OR14A2: variants seen among roughly 807,000 people sequenced by gnomAD.
OR14A2 encodes the protein olfactory receptor 14A2.
For missense variants in OR14A2, 237 were observed against 152.9 expected (o/e 1.55, Z -2.90); for synonymous variants, 114 against 58.6 (o/e 1.95, Z -4.32).
chr1:247,730,818 CCTTT>C, the OR14A2 span, among the ~76,000 whole-genome samples: 1 of 152,046 alleles, frequency 6.6e-6, no homozygotes, highest in Non-Finnish European at 1.5e-5. Context: ...TGTGAATTCA[CCTTT>C]CTTCTGCCTT....
chr1:247,747,418 A>G, the OR14A2 span, among the ~76,000 whole-genome samples: 2 of 149,500 alleles, frequency 1.3e-5, no homozygotes, highest in African/African-American at 5.0e-5. Flanking sequence ...CTGGAGTGCA[A>G]TGGCGTGACC....
the OR14A2 span, chr1:247,739,024 G>A: frequency 2.6e-6 from 2 of 780,500 alleles, no homozygotes; most frequent in African/African-American, 3.4e-5. Flanking sequence ...ATGAGCAGAG[G>A]GCTCTGTGTC....
At chr1:247,725,664 A>C (rs1660330595), upstream of OR14A2, among the ~76,000 whole-genome samples, 1 of 126,970 alleles carries the variant, frequency 7.9e-6, no homozygotes, top group Admixed American at 7.9e-5. Context: ...TATATCTCCC[A>C]ATGCTATCCC....
At chr1:247,726,592 C>G (rs1367561943), upstream of OR14A2, among the ~76,000 whole-genome samples, 1 of 132,026 alleles carries the variant, frequency 7.6e-6, no homozygotes, top group African/African-American at 3.1e-5. Context: ...GTGTTTTAGA[C>G]ATGAAGTCCT....
the OR14A2 span, among the ~76,000 whole-genome samples, chr1:247,734,742 A>G: frequency 1.3e-5 from 2 of 152,154 alleles, no homozygotes; most frequent in African/African-American, 4.8e-5. Flanking sequence ...TATGTCTCTT[A>G]CGAAATGTCA....
the OR14A2 span, among the ~76,000 whole-genome samples, chr1:247,730,965 A>G: frequency 1.3e-5 from 2 of 152,118 alleles, no homozygotes; most frequent in East Asian, 1.9e-4. Flanking sequence ...CTCAGAAATA[A>G]TGTTTTACCA....
At chr1:247,726,572 A>C (rs1292534657), upstream of OR14A2, among the ~76,000 whole-genome samples, 6 of 120,364 alleles carry the variant, frequency 5.0e-5, no homozygotes, top group South Asian at 1.5e-3. Context: ...TTTTGTTGCC[A>C]TTGCTTTTGG....
rs62619785 is a variant in OR14A2, at chr1:247,723,203, G to T, written c.841C>A (p.Pro281Thr). The T allele has an allele frequency of 3.1e-3, 2,209 of 717,728 alleles. 21 individuals are homozygous for T. The highest frequency in any genetic ancestry group is 0.027 in the African/African-American group (1,576 of 57,358). 44.5% of individuals were successfully genotyped at this position (717,728 alleles called of 1,614,324 possible). Reference sequence around the variant, plus strand: ...CTGTAGGTTACAGGGTTAAATACTGGAGGCATCACAGTGTAGATCACAGAA... The same window carrying T: ...CTGTAGGTTACAGGGTTAAATACTGTAGGCATCACAGTGTAGATCACAGAA... The change falls in exon 1 of 1, where the codon CCA becomes ACA. Residue 281 changes from proline to threonine, a missense_variant. Coordinates refer to ENST00000366485, the Ensembl canonical transcript of OR14A2.
At chr1:247,732,412 G>A in the OR14A2 span, among the ~76,000 whole-genome samples, 1 of 152,078 alleles carries the variant, frequency 6.6e-6, no homozygotes, top group Non-Finnish European at 1.5e-5. Context: ...AGAAACCTTT[G>A]GCCACAGTCC....
upstream of OR14A2, among the ~76,000 whole-genome samples, chr1:247,728,726 C>T (rs936036346): frequency 2.6e-4 from 39 of 152,034 alleles, no homozygotes; most frequent in African/African-American, 8.9e-4. Context: ...TAACATTTTA[C>T]CAACAGAAAT....
the OR14A2 span, among the ~76,000 whole-genome samples, chr1:247,737,301 C>A: frequency 9.5e-4 from 144 of 152,168 alleles, no homozygotes; most frequent in Middle Eastern, 3.4e-3. Context: ...GCTACATTCT[C>A]TTTCAGTTGA....
chr1:247,734,977 G>C, the OR14A2 span, among the ~76,000 whole-genome samples: 1 of 152,176 alleles, frequency 6.6e-6, no homozygotes, highest in Non-Finnish European at 1.5e-5. Flanking sequence ...AAAATAAACT[G>C]TACCTCATCC....
the OR14A2 span, chr1:247,747,202 C>T: frequency 6.6e-6 from 1 of 151,998 alleles, no homozygotes; most frequent in Non-Finnish European, 1.5e-5. Flanking sequence ...CATAGTAGTC[C>T]AAGGAAGGGA....
the OR14A2 span, chr1:247,739,261 A>G: frequency 2.6e-6 from 2 of 780,776 alleles, no homozygotes; most frequent in Admixed American, 1.7e-5. Flanking sequence ...GTAGTTTCCT[A>G]TGTGTACATT....
the OR14A2 span, among the ~76,000 whole-genome samples, chr1:247,733,647 T>C: frequency 1.4e-4 from 21 of 152,106 alleles, no homozygotes; most frequent in East Asian, 1.9e-4. Context: ...TTGAATAAGT[T>C]ATCTGCTAAC....
chr1:247,744,896 T>C, the OR14A2 span, among the ~76,000 whole-genome samples: 1 of 152,126 alleles, frequency 6.6e-6, no homozygotes, highest in Admixed American at 6.5e-5. The surrounding 1 kb of genome is among the most constrained non-coding windows in gnomAD (Gnocchi z 4.3). Context: ...GATTATGAAG[T>C]TATAAATTGG....
chr1:247,738,481 A>C, the OR14A2 span: 1 of 604,620 alleles, frequency 1.7e-6, no homozygotes, highest in Non-Finnish European at 2.9e-6. Context: ...ATTGCTTGAT[A>C]TTTTTAAACT....
the OR14A2 span, among the ~76,000 whole-genome samples, chr1:247,744,765 C>G: frequency 6.6e-6 from 1 of 152,108 alleles, no homozygotes; most frequent in African/African-American, 2.4e-5. This position sits in a 1 kb window ranked among gnomAD's most constrained non-coding sequence, Gnocchi z 4.3. Flanking sequence ...ATTGCATAGC[C>G]ATGGGCCAAG....
At chr1:247,739,945 A>G in the OR14A2 span, among the ~76,000 whole-genome samples, 2 of 152,130 alleles carry the variant, frequency 1.3e-5, no homozygotes, top group African/African-American at 2.4e-5. Context: ...TCCTGACCTC[A>G]AGCAATCCGT....
Sources: gnomAD v4.1 joint callset for allele counts (sites outside exome capture counted in the v4.1 genomes callset) on GRCh38, gnomAD v4.1.1 for gene constraint, Gnocchi (gnomAD v3.1) non-coding constraint, MANE v1.5 for transcripts, NCBI Gene and HGNC (gene_info 2026-07-23, HGNC 2026-07-21) for gene names.